SLC41A3: variants seen among roughly 807,000 people sequenced by gnomAD.
SLC41A3 encodes solute carrier family 41 member 3, also known as SLC41A1-like 2.
Under a neutral mutation model 45.4 loss-of-function variants are expected in SLC41A3, and 44 were observed. The ratio of observed to expected loss-of-function variants is 0.97; its 90% CI spans 0.76 to 1.25. The LOEUF (loss-of-function observed/expected upper bound fraction) is 1.25. Among genes scored for constraint, SLC41A3 ranks in the 50% most tolerant of loss-of-function variants. SLC41A3 has a pLI of 0.00. For synonymous variants in SLC41A3, 256 were observed against 252.4 expected (o/e 1.01, Z -0.13); for missense variants, 550 against 600.6 (o/e 0.92, Z 0.88).
chr3:126,042,234 A>G (rs1277226439), intron 3 of SLC41A3, among the ~76,000 whole-genome samples: 3 of 152,188 alleles, frequency 2.0e-5, no homozygotes, highest in African/African-American at 7.2e-5. Context: ...GGACAGAGGA[A>G]CACAATAGAA....
intron 5 of SLC41A3, chr3:126,023,561 G>C (rs548138130): frequency 6.6e-6 from 1 of 152,654 alleles, no homozygotes; most frequent in African/African-American, 2.4e-5. Flanking sequence ...ATGCATACTC[G>C]GAGGGCCCCG....
chr3:126,027,671 A>G (rs1941474869), intron 4 of SLC41A3, among the ~76,000 whole-genome samples: 1 of 152,222 alleles, frequency 6.6e-6, no homozygotes, highest in Non-Finnish European at 1.5e-5. Flanking sequence ...TGGAGGGCTC[A>G]GAAGAAGACA....
intron 4 of SLC41A3, among the ~76,000 whole-genome samples, chr3:126,032,640 T>G (rs796894461): frequency 2.0e-5 from 3 of 151,980 alleles, no homozygotes; most frequent in African/African-American, 7.2e-5. Flanking sequence ...TTAGCAGAGG[T>G]GAGTATGGGG....
chr3:126,027,706 T>C (rs1478468329), intron 4 of SLC41A3, among the ~76,000 whole-genome samples: 4 of 152,202 alleles, frequency 2.6e-5, no homozygotes, highest in Non-Finnish European at 4.4e-5. Flanking sequence ...TGTTTGGAAC[T>C]TCCTCAAGAC....
rs1281831386 is a variant in SLC41A3, at chr3:126,026,914, T to C, written c.454-435A>G. 2.0e-5 allele frequency among the ~76,000 whole-genome samples: 3 copies of C among 152,072 alleles called. No individual in the cohort carries two copies. The highest frequency in any genetic ancestry group is 4.4e-5 in the Non-Finnish European group (3 of 68,010). ...AGTCACACGGGAGGACTTCACACAC[T>C]TTTGGTCTCTCCTTTGGCACCCTGC... is the stretch of plus-strand genomic sequence containing the variant. On this transcript the variant is annotated intron_variant, in intron 4 of 10. Transcript: ENST00000360370. This position sits in a 1 kb window ranked among gnomAD's most constrained non-coding sequence, Gnocchi z 4.2.
At chr3:126,017,327 A>C (rs552641991) in intron 6 of SLC41A3, among the ~76,000 whole-genome samples, 135 of 152,344 alleles carry the variant, frequency 8.9e-4, no homozygotes, top group Admixed American at 3.1e-3. Context: ...GACAGCAAGC[A>C]GCCCCGTCAG....
rs1193813097 is a variant in SLC41A3, at chr3:126,033,594, G to T, written c.453+13C>A. 1 of 1,610,826 alleles carries T rather than the reference G, an allele frequency of 6.2e-7. No individual in the cohort carries two copies. ...AGATTCAGAAGGGAGGGTCGGACAA[G>T]GTGAAGACTCACCTGGATGAGGGCC... On this transcript the variant is annotated intron_variant, in intron 4 of 10. Coordinates refer to ENST00000360370, the MANE Select transcript of SLC41A3 (RefSeq NM_017836.4).
intron 3 of SLC41A3, among the ~76,000 whole-genome samples, chr3:126,046,068 A>G (rs1942939334): frequency 6.7e-6 from 1 of 149,864 alleles, no homozygotes; most frequent in African/African-American, 2.4e-5. Flanking sequence ...AAAAACACCC[A>G]ACAAACTAGA....
intron 1 of SLC41A3, among the ~76,000 whole-genome samples, chr3:126,074,945 T>C (rs1008935864): frequency 6.6e-6 from 1 of 152,184 alleles, no homozygotes; most frequent in African/African-American, 2.4e-5. Flanking sequence ...CCTGAGCAGC[T>C]GGGACTACAG....
intron 1 of SLC41A3, among the ~76,000 whole-genome samples, chr3:126,069,619 T>TA (rs1036885248): frequency 7.9e-5 from 12 of 151,988 alleles, no homozygotes; most frequent in Admixed American, 2.6e-4. Context: ...TATGGCCCAT[T>TA]AAAAAAAATT....
In SLC41A3 at chr3:126,022,825, T is replaced by A. The variant is rs746181992; in HGVS notation, c.706A>T (p.Ile236Phe). Residue 236 changes from isoleucine (I) to phenylalanine (F), a missense_variant, in exon 6 of 11, where the codon ATT becomes TTT. Transcript: ENST00000360370. Reference sequence around the variant, plus strand: ...AAGAAGCTGCTAACCAAAGCCAGAATGGACAGTGTGATGAGGTCTCCCAGG... The same window carrying A: ...AAGAAGCTGCTAACCAAAGCCAGAAAGGACAGTGTGATGAGGTCTCCCAGG... ...ASLGDLITLS[I>F]LALVSSFFYR... is the part of the protein sequence containing the mutation. 6.2e-6 allele frequency: 10 copies of A among 1,614,188 alleles called. No individual in the cohort carries two copies. In the South Asian group the frequency reaches 1.1e-4, roughly 18 times the overall value.
upstream of SLC41A3, among the ~76,000 whole-genome samples, chr3:126,087,409 C>T (rs572397173): frequency 3.3e-5 from 5 of 152,028 alleles, no homozygotes; most frequent in South Asian, 4.1e-4. Context: ...TGTAAACAAA[C>T]GTCATATAAT....
chr3:126,009,287 G>A (rs1293457064), intron 9 of SLC41A3, among the ~76,000 whole-genome samples: 2 of 152,152 alleles, frequency 1.3e-5, no homozygotes, highest in African/African-American at 4.8e-5. Flanking sequence ...GAACATACAA[G>A]GGGCTTAAGG....
At chr3:126,012,480 G>A (rs1939815841) in intron 9 of SLC41A3, 135 bp downstream of exon 9, 5 of 1,146,490 alleles carry the variant, frequency 4.4e-6, no homozygotes, top group Non-Finnish European at 6.2e-6. Flanking sequence ...CATTTCTGGG[G>A]CCCTGAAGGT....
At chr3:126,091,339 T>G (rs1393832579) in intron 1 of SLC41A3, among the ~76,000 whole-genome samples, 1 of 152,046 alleles carries the variant, frequency 6.6e-6, no homozygotes, top group Non-Finnish European at 1.5e-5. Flanking sequence ...ACAGCTTGGT[T>G]TTATACATTT....
chr3:126,016,921 G>A (rs1380109911), intron 6 of SLC41A3, 46 bp from the exon 7 acceptor site: 1 of 1,597,690 alleles, frequency 6.3e-7, no homozygotes, highest in South Asian at 1.1e-5. Flanking sequence ...GCCAAGGCCA[G>A]CACACACAGG....
chr3:126,035,004 G>A (rs1367666976), intron 3 of SLC41A3, among the ~76,000 whole-genome samples: 2 of 152,234 alleles, frequency 1.3e-5, no homozygotes, highest in East Asian at 1.9e-4. Context: ...ATCACTGAGC[G>A]AAGGCTGCAC....
intron 9 of SLC41A3, 86 bp from the exon 10 acceptor site, chr3:126,008,966 C>T: frequency 1.3e-6 from 2 of 1,533,252 alleles, no homozygotes; most frequent in South Asian, 2.4e-5. Context: ...CATCCACACT[C>T]ACTCATCCAT....
intron 1 of SLC41A3, 124 bp from the exon 2 acceptor site, chr3:126,068,370 C>T: frequency 1.3e-6 from 1 of 799,846 alleles, no homozygotes; most frequent in Non-Finnish European, 1.8e-6. Flanking sequence ...ACAGCCCTTA[C>T]TCAGCACCTG....
Sources: gnomAD v4.1 joint callset for allele counts (sites outside exome capture counted in the v4.1 genomes callset) on GRCh38, gnomAD v4.1.1 for gene constraint, Gnocchi (gnomAD v3.1) non-coding constraint, MANE v1.5 for transcripts, NCBI Gene and HGNC (gene_info 2026-07-23, HGNC 2026-07-21) for gene names.